Variants in SPTA1 observed in about 807,000 individuals in gnomAD.
The protein encoded by SPTA1 is spectrin alpha, erythrocytic 1, also known as spectrin alpha chain, erythrocytic 1.
SPTA1 carries 177 observed loss-of-function variants against 324.7 expected under a neutral mutation model. The observed-to-expected ratio is 0.55, with a 90% CI of 0.48 to 0.62. SPTA1 has a LOEUF of 0.62. Ranked by LOEUF, SPTA1 falls within the 20% of genes least tolerant of loss-of-function variation. SPTA1 has a pLI of 0.00. For missense variants in SPTA1, 3,162 were observed against 2,883.6 expected (o/e 1.10, Z -2.21); for synonymous variants, 1,195 against 1,041.3 (o/e 1.15, Z -2.84).
chr1:158,659,679 C>T (rs1373548997), intron 18 of SPTA1, among the ~76,000 whole-genome samples: 2 of 92,124 alleles, frequency 2.2e-5, no homozygotes, highest in South Asian at 3.0e-4. Context: ...GGCGCAATCT[C>T]GGCTCACTGC....
chr1:158,626,758 G>C, intron 41 of SPTA1, 81 bp downstream of exon 41: 1 of 1,579,802 alleles, frequency 6.3e-7, no homozygotes, highest in Non-Finnish European at 8.7e-7. Flanking sequence ...TACAGTAAAA[G>C]TCCCAGAGAC....
intron 11 of SPTA1, 133 bp downstream of exon 11, chr1:158,671,926 G>A: frequency 1.7e-6 from 2 of 1,148,050 alleles, no homozygotes; most frequent in African/African-American, 1.5e-5. Context: ...TCTTTTTCTT[G>A]TGGATCACCC....
chr1:158,636,866 G>A, intron 36 of SPTA1, 105 bp from the exon 37 acceptor site: 1 of 1,593,458 alleles, frequency 6.3e-7, no homozygotes, highest in Non-Finnish European at 8.5e-7. Flanking sequence ...TGAGGGAGGT[G>A]GTTGTAAATT....
At chr1:158,617,471 G>C in intron 47 of SPTA1, 66 bp downstream of exon 47, 3 of 1,369,666 alleles carry the variant, frequency 2.2e-6, no homozygotes, top group Non-Finnish European at 3.1e-6. Flanking sequence ...GCTTCCCTTA[G>C]GTGATTATTT....
chr1:158,666,192 C>T (rs760759068), intron 16 of SPTA1, 124 bp downstream of exon 16: 8 of 855,370 alleles, frequency 9.4e-6, no homozygotes, highest in South Asian at 1.5e-5. Flanking sequence ...AGAGCATATA[C>T]ACCCATTGCT....
chr1:158,683,323 A>C, intron 3 of SPTA1, 48 bp downstream of exon 3: 1 of 1,612,002 alleles, frequency 6.2e-7, no homozygotes, highest in Non-Finnish European at 8.5e-7. Flanking sequence ...TAAAACCCTG[A>C]TAACATAATC....
At chr1:158,660,669 A>C (rs1012029953) in intron 18 of SPTA1, among the ~76,000 whole-genome samples, 1 of 152,200 alleles carries the variant, frequency 6.6e-6, no homozygotes, top group African/African-American at 2.4e-5. Context: ...ATTTTAACCT[A>C]TACTTTTGAA....
intron 18 of SPTA1, among the ~76,000 whole-genome samples, chr1:158,660,688 A>G (rs1043899734): frequency 5.9e-5 from 9 of 152,212 alleles, no homozygotes; most frequent in East Asian, 1.9e-4. Context: ...AAAACTAGAT[A>G]CTGGTTGGCA....
At position 158,648,556 on chromosome 1, in the gene SPTA1, G is replaced by A. The variant is rs773675787; in HGVS notation, c.3667C>T (p.Arg1223Ter). 13 of 1,613,836 alleles carry A rather than the reference G, an allele frequency of 8.1e-6. No individual in the cohort carries two copies. The highest frequency in any genetic ancestry group is 3.3e-5 in the Admixed American group (2 of 59,964). The change falls in exon 26 of 52, where the codon CGA becomes TGA. Residue 1223 changes from arginine to a stop codon, truncating the protein, a stop_gained. Transcript: ENST00000643759. LOFTEE classifies it high-confidence loss of function. ...TCCCTTTCAAAGCCCTCATGCCGTC[G>A]CTGAAGAGCCTGAACACTGAACAGA... is the stretch of plus-strand genomic sequence containing the variant. ...SDLFSVQALQ[R>*]RHEGFERDLV...
In SPTA1 at chr1:158,645,169, A is replaced by T. The variant is rs186660524; in HGVS notation, c.4194+19T>A. The T allele has an allele frequency of 1.2e-5, 19 of 1,613,656 alleles. No individual in the cohort carries two copies. The African/African-American group carries it at 2.5e-4, about 22-fold the overall frequency. ...AACAGACTACTGAACCTGCTTAACA[A>T]TTGGGAAATTTGCTGTACCTGCAAC... On this transcript the variant is annotated intron_variant, in intron 29 of 51. Coordinates refer to ENST00000643759, the MANE Select transcript of SPTA1 (RefSeq NM_003126.4).
chr1:158,630,234 C>A lies in SPTA1; in HGVS notation c.5566-2511G>T, dbSNP rs180825146. On this transcript the variant is annotated intron_variant, in intron 39 of 51. Transcript: ENST00000643759. The stretch of plus-strand genomic sequence containing the variant: ...GAACAAAGCTGAAGGAATCACACTT[C>A]CTGATTTTAAAATACAGTAAAAAGC... Among the ~76,000 whole-genome samples, 77 of 152,092 alleles carry A rather than the reference C, an allele frequency of 5.1e-4. 1 individual carries two copies. The highest frequency in any genetic ancestry group is 3.4e-3 in the Middle Eastern group (1 of 294).
chr1:158,632,576 T>C (rs1052892629), intron 39 of SPTA1, among the ~76,000 whole-genome samples: 2 of 152,132 alleles, frequency 1.3e-5, no homozygotes, highest in African/African-American at 4.8e-5. Context: ...TCATTATCCA[T>C]TAAGGAAATG....
chr1:158,634,986 C>G (rs115492458), intron 38 of SPTA1, among the ~76,000 whole-genome samples: 3 of 152,160 alleles, frequency 2.0e-5, no homozygotes, highest in African/African-American at 4.8e-5. Flanking sequence ...TGGAGAATAT[C>G]AGCAGTGACA....
intron 14 of SPTA1, 123 bp from the exon 15 acceptor site, chr1:158,668,185 GGGGAAGTTTCCTAGTCCAACGTTTGA>G (rs1199773024): frequency 9.0e-7 from 1 of 1,113,708 alleles, no homozygotes; most frequent in East Asian, 2.4e-5. Context: ...AAGATAAAAG[GGGGAAGTTTCCTAGTCCAACGTTTGA>G]GAAATTCATG....
At chr1:158,617,642 A>G in intron 46 of SPTA1, 54 bp from the exon 47 acceptor site, 1 of 1,460,158 alleles carries the variant, frequency 6.8e-7, no homozygotes, top group Admixed American at 1.7e-5. Context: ...TCAATATTTC[A>G]TACATGCATA....
chr1:158,685,010 ACC>A, intron 2 of SPTA1, 96 bp downstream of exon 2: 2 of 1,399,226 alleles, frequency 1.4e-6, no homozygotes, highest in Non-Finnish European at 2.0e-6. Flanking sequence ...ATCTAATTGT[ACC>A]CACACATACC....
intron 20 of SPTA1, among the ~76,000 whole-genome samples, chr1:158,656,278 G>A (rs1051986499): frequency 6.6e-6 from 1 of 152,004 alleles, no homozygotes; most frequent in Non-Finnish European, 1.5e-5. Flanking sequence ...CATAAATGAA[G>A]AAAAGTAAGA....
intron 42 of SPTA1, among the ~76,000 whole-genome samples, chr1:158,625,021 G>A (rs1379817237): frequency 6.6e-6 from 1 of 152,184 alleles, no homozygotes; most frequent in South Asian, 2.1e-4. Flanking sequence ...TGTTGTTATA[G>A]CTTTAAACCA....
intron 7 of SPTA1, among the ~76,000 whole-genome samples, chr1:158,676,560 T>C (rs919697431): frequency 4.6e-5 from 7 of 152,214 alleles, no homozygotes; most frequent in Non-Finnish European, 5.9e-5. Context: ...TAGGAATTAC[T>C]CTTATTTTTC....
Sources: allele counts gnomAD v4.1 joint callset (sites outside exome capture counted in the v4.1 genomes callset), GRCh38; gene constraint gnomAD v4.1.1; transcripts MANE v1.5; gene names NCBI Gene and HGNC (gene_info 2026-07-23, HGNC 2026-07-21).